The following DYRK1A variants were observed in gnomAD, a reference collection of about 807,000 sequenced individuals.
DYRK1A encodes dual specificity tyrosine-phosphorylation-regulated kinase 1A.
DYRK1A carries 9 observed loss-of-function variants against 79.7 expected under a neutral mutation model. The observed-to-expected ratio is 0.11, with a 90% CI of 0.07 to 0.20. The LOEUF is 0.20. Ranked by LOEUF, DYRK1A falls within the 10% of genes least tolerant of loss-of-function variation. The pLI is 1.00. For missense variants in DYRK1A, 622 were observed against 956.0 expected (o/e 0.65, Z 4.61); for synonymous variants, 349 against 329.7 (o/e 1.06, Z -0.63).
intron 3 of DYRK1A, among the ~76,000 whole-genome samples, chr21:37,477,275 C>T (rs1007501663): frequency 7.2e-5 from 11 of 152,144 alleles, no homozygotes; most frequent in Admixed American, 5.9e-4. Flanking sequence ...AAGAGTTGGG[C>T]AGGAACACAA....
intron 7 of DYRK1A, among the ~76,000 whole-genome samples, chr21:37,490,929 A>G (rs2053071290): frequency 1.3e-5 from 2 of 152,126 alleles, no homozygotes; most frequent in South Asian, 4.1e-4. Context: ...TTCCAGTACT[A>G]GAACATTGAA....
intron 1 of DYRK1A, among the ~76,000 whole-genome samples, chr21:37,382,791 C>T (rs1477348175): frequency 1.3e-5 from 2 of 151,976 alleles, no homozygotes. Context: ...TGGTATTATC[C>T]GTGTTTACCT....
chr21:37,484,327 C>T (rs553679383), intron 5 of DYRK1A, among the ~76,000 whole-genome samples: 90 of 135,960 alleles, frequency 6.6e-4, no homozygotes, highest in African/African-American at 2.1e-3. Context: ...CTCAATAGGT[C>T]CCTTTTTTTT....
intron 5 of DYRK1A, among the ~76,000 whole-genome samples, chr21:37,483,621 C>G (rs2052739202): frequency 6.6e-6 from 1 of 151,930 alleles, no homozygotes; most frequent in Non-Finnish European, 1.5e-5. Context: ...CTCACTGTAT[C>G]AGCCTGGCAG....
chr21:37,403,015 T>C (rs2050080973), intron 1 of DYRK1A, among the ~76,000 whole-genome samples: 1 of 152,024 alleles, frequency 6.6e-6, no homozygotes, highest in Non-Finnish European at 1.5e-5. Context: ...CTGCCCCCCC[T>C]CAGCCTCCCA....
At chr21:37,385,730 G>A (rs1363232854) in intron 1 of DYRK1A, among the ~76,000 whole-genome samples, 2 of 152,102 alleles carry the variant, frequency 1.3e-5, no homozygotes, top group Admixed American at 6.5e-5. Context: ...GAATTTTAGA[G>A]CTATTAGGCT....
At chr21:37,367,689 G>C (rs2049337818) in intron 1 of DYRK1A, 61 bp downstream of exon 1, 1 of 142,410 alleles carries the variant, frequency 7.0e-6, no homozygotes, top group South Asian at 2.4e-4. Flanking sequence ...CCGGCGGCCC[G>C]CAGCCGGGCC....
At chr21:37,440,155 A>T (rs1329762624) in intron 2 of DYRK1A, among the ~76,000 whole-genome samples, 10 of 8,336 alleles carry the variant, frequency 1.2e-3, no homozygotes, top group Non-Finnish European at 1.9e-3. Flanking sequence ...TTTTTTTTTG[A>T]GACGGAGTTT....
intron 2 of DYRK1A, among the ~76,000 whole-genome samples, chr21:37,436,234 C>T (rs1379804387): frequency 6.6e-6 from 1 of 152,162 alleles, no homozygotes; most frequent in Non-Finnish European, 1.5e-5. Context: ...ACTTAGGTTT[C>T]AAACAGCTAG....
At chr21:37,373,710 A>G (rs1490415741) in intron 1 of DYRK1A, among the ~76,000 whole-genome samples, 1 of 152,096 alleles carries the variant, frequency 6.6e-6, no homozygotes, top group Non-Finnish European at 1.5e-5. Context: ...TGCATACATG[A>G]TTTTTCTTCA....
intron 9 of DYRK1A, among the ~76,000 whole-genome samples, chr21:37,499,150 G>C (rs2148634294): frequency 6.6e-6 from 1 of 152,042 alleles, no homozygotes; most frequent in Admixed American, 6.5e-5. Flanking sequence ...TTTTTGTTTG[G>C]TACTTTTTTT....
intron 4 of DYRK1A, among the ~76,000 whole-genome samples, chr21:37,480,425 G>C (rs1294472603): frequency 6.6e-6 from 1 of 152,064 alleles, no homozygotes; most frequent in Non-Finnish European, 1.5e-5. Flanking sequence ...GGCATACTTT[G>C]GACAAGTCAC....
chr21:37,459,477 A>C (rs1318227266), intron 2 of DYRK1A, among the ~76,000 whole-genome samples: 5 of 152,146 alleles, frequency 3.3e-5, no homozygotes, highest in African/African-American at 9.7e-5. Context: ...TGGAGTAATC[A>C]TCACTGTCCT....
rs2050947535 is a variant in DYRK1A at position 37,437,118 on chromosome 21, A to G, written c.10+16734A>G. 2.0e-5 allele frequency among the ~76,000 whole-genome samples: 3 copies of G among 152,186 alleles called. No homozygotes were observed. The South Asian group carries it at 6.2e-4, about 31-fold the overall frequency. On this transcript the variant is annotated intron_variant, in intron 2 of 11. Coordinates refer to ENST00000647188, the MANE Select transcript of DYRK1A (RefSeq NM_001347721.2). ...TCGAAAATTGCATTTACTAAGGTAG[A>G]TGGTAGAGGAGACTATGTTGTTGAG...
intron 2 of DYRK1A, among the ~76,000 whole-genome samples, chr21:37,451,487 C>G (rs930189845): frequency 6.6e-6 from 1 of 151,882 alleles, no homozygotes; most frequent in Non-Finnish European, 1.5e-5. Context: ...GCCTATAGCA[C>G]AAATAATGAG....
At chr21:37,430,442 G>A (rs1425040910) in intron 2 of DYRK1A, 1 of 980,822 alleles carries the variant, frequency 1.0e-6, no homozygotes, top group East Asian at 1.1e-4. Context: ...TATGATATGT[G>A]TTCAACTTGC....
chr21:37,505,672 A>G (rs2053574726), intron 10 of DYRK1A, 83 bp downstream of exon 10: 4 of 1,417,868 alleles, frequency 2.8e-6, no homozygotes, highest in Non-Finnish European at 3.8e-6. Context: ...GTGTTGATTA[A>G]ATTTGTTAAT....
At chr21:37,441,902 G>A (rs1218136258) in intron 2 of DYRK1A, among the ~76,000 whole-genome samples, 6 of 147,558 alleles carry the variant, frequency 4.1e-5, no homozygotes, top group East Asian at 2.0e-4. Context: ...TTTGTAGTGC[G>A]TATTTACTAA....
chr21:37,483,320 G>A lies in DYRK1A; in HGVS notation c.489+2494G>A, dbSNP rs544528131. On this transcript the variant is annotated intron_variant, in intron 5 of 11. Coordinates refer to ENST00000647188, the MANE Select transcript of DYRK1A (RefSeq NM_001347721.2). ...CTCCGTTTGGGGTCCCTGACTTCCC[G>A]CAACACTCTATGTCATTAGCAGCCA... Among the ~76,000 whole-genome samples the A allele has an allele frequency of 3.7e-4, 57 of 152,228 alleles. No homozygotes were observed. The South Asian group carries it at 5.0e-3, about 13-fold the overall frequency.
Sources: allele counts gnomAD v4.1 joint callset (sites outside exome capture counted in the v4.1 genomes callset), GRCh38; gene constraint gnomAD v4.1.1; transcripts MANE v1.5; gene names NCBI Gene and HGNC (gene_info 2026-07-23, HGNC 2026-07-21).